LGSN: variants seen among roughly 807,000 people sequenced by gnomAD.
LGSN encodes the protein lengsin, lens protein with glutamine synthetase domain.
In LGSN, 21 loss-of-function variants were observed where a neutral mutation model predicts 19.5. The observed-to-expected ratio is 1.07, with a 90% CI of 0.76 to 1.55. The LOEUF (loss-of-function observed/expected upper bound fraction) is 1.55. LGSN is among the 40% of genes most tolerant of loss of function. The pLI, the probability that LGSN is intolerant of heterozygous loss-of-function variation, is 0.00. For synonymous variants in LGSN, 257 were observed against 215.6 expected (o/e 1.19, Z -1.68); for missense variants, 673 against 608.5 (o/e 1.11, Z -1.12).
chr6:63,495,464 T>TC, the LGSN span, among the ~76,000 whole-genome samples: 1 of 104,808 alleles, frequency 9.5e-6, no homozygotes, highest in Non-Finnish European at 1.8e-5. Flanking sequence ...TTCTTTTTTT[T>TC]TTTTTTTTTT....
At chr6:63,385,285 G>A in the LGSN span, among the ~76,000 whole-genome samples, 1 of 127,744 alleles carries the variant, frequency 7.8e-6, no homozygotes, top group Admixed American at 7.5e-5. Context: ...TCTGAGAACT[G>A]GTTTCCATGT....
chr6:63,506,326 G>T, the LGSN span, among the ~76,000 whole-genome samples: 2 of 151,602 alleles, frequency 1.3e-5, no homozygotes, highest in Non-Finnish European at 2.9e-5. Context: ...TGCAATGGTG[G>T]GATCTCGGAT....
the LGSN span, among the ~76,000 whole-genome samples, chr6:63,362,793 C>G: frequency 6.6e-6 from 1 of 152,230 alleles, no homozygotes; most frequent in African/African-American, 2.4e-5. Flanking sequence ...GAACAAAAGG[C>G]AGCAGAAAAT....
At chr6:63,327,389 T>A in the LGSN span, among the ~76,000 whole-genome samples, 1 of 152,172 alleles carries the variant, frequency 6.6e-6, no homozygotes, top group Non-Finnish European at 1.5e-5. Flanking sequence ...GTATAAGAAT[T>A]TGAAAGGTGT....
At chr6:63,334,806 C>G in the LGSN span, among the ~76,000 whole-genome samples, 1 of 152,008 alleles carries the variant, frequency 6.6e-6, no homozygotes, top group Admixed American at 6.6e-5. Flanking sequence ...AATAAATCTG[C>G]ATACTTAACG....
the LGSN span, among the ~76,000 whole-genome samples, chr6:63,498,930 C>T: frequency 6.6e-6 from 1 of 152,074 alleles, no homozygotes; most frequent in Non-Finnish European, 1.5e-5. Context: ...CCTGAGCTTA[C>T]ATGGAATTTA....
the LGSN span, among the ~76,000 whole-genome samples, chr6:63,334,852 C>T: frequency 6.6e-6 from 1 of 151,936 alleles, no homozygotes; most frequent in African/African-American, 2.4e-5. Context: ...CAAGAAAATA[C>T]ATTGGGCTGG....
the LGSN span, chr6:63,572,443 C>T: frequency 2.7e-6 from 1 of 375,838 alleles, no homozygotes; most frequent in Non-Finnish European, 4.7e-6. Flanking sequence ...TTGCACGTCG[C>T]GCCGGCTATA....
At chr6:63,535,830 T>C in the LGSN span, among the ~76,000 whole-genome samples, 3 of 152,298 alleles carry the variant, frequency 2.0e-5, no homozygotes, top group African/African-American at 7.2e-5. Flanking sequence ...AGTCCAGCAC[T>C]TTTTTATTTT....
At chr6:63,404,750 T>C in the LGSN span, among the ~76,000 whole-genome samples, 1 of 152,116 alleles carries the variant, frequency 6.6e-6, no homozygotes, top group African/African-American at 2.4e-5. Context: ...GGGGGAGACA[T>C]AAACATCCAG....
the LGSN span, among the ~76,000 whole-genome samples, chr6:63,515,457 C>T: frequency 6.6e-6 from 1 of 152,124 alleles, no homozygotes; most frequent in Non-Finnish European, 1.5e-5. Context: ...TCTCAAACTT[C>T]TGACCTCAGG....
intron 3 of LGSN, among the ~76,000 whole-genome samples, chr6:63,282,930 ATTAG>A (rs1767374685): frequency 1.3e-5 from 2 of 152,142 alleles, no homozygotes; most frequent in Non-Finnish European, 1.5e-5. Flanking sequence ...AATTCTGTAT[ATTAG>A]TTCTTTACAT....
At chr6:63,515,313 C>A in the LGSN span, among the ~76,000 whole-genome samples, 5 of 152,186 alleles carry the variant, frequency 3.3e-5, no homozygotes, top group Non-Finnish European at 7.3e-5. Context: ...CTCACTGCAA[C>A]CTCCGCCTCC....
rs1436711133 is a variant in LGSN, at chr6:63,278,991, C to A, written c.*1030G>T. 6.6e-6 allele frequency: 1 copy of A among 152,200 alleles called. No individual in the cohort carries two copies. Among genetic ancestry groups the A allele is most frequent in the Non-Finnish European group, 1.5e-5 (1 of 68,030 alleles). 9.4% of individuals were successfully genotyped at this position (152,200 alleles called of 1,614,324 possible). A position where few individuals can be genotyped will look rare whatever the true frequency, so the allele number is the denominator to read the frequency against. ...TTGCTAGTAAGTGGATTTTGGACTT[C>A]TTCCCAAAAGCAGCTAAACTTTTGT... On this transcript the variant is annotated 3_prime_UTR_variant, in exon 4 of 4. Coordinates refer to ENST00000370657, the MANE Select transcript of LGSN (RefSeq NM_016571.3).
chr6:63,470,175 CT>C, the LGSN span, among the ~76,000 whole-genome samples: 1 of 151,838 alleles, frequency 6.6e-6, no homozygotes. Flanking sequence ...CAGGCACGCA[CT>C]CAGACTTATG....
At chr6:63,387,448 A>C in the LGSN span, among the ~76,000 whole-genome samples, 5 of 152,328 alleles carry the variant, frequency 3.3e-5, 1 homozygote, top group Admixed American at 2.0e-4. Flanking sequence ...GATTATATAA[A>C]GTATATAGAA....
the LGSN span, among the ~76,000 whole-genome samples, chr6:63,476,441 T>C: frequency 5.3e-5 from 8 of 152,232 alleles, no homozygotes; most frequent in South Asian, 2.1e-4. Context: ...AAGAGCTCAA[T>C]TGAGCAATTC....
the LGSN span, among the ~76,000 whole-genome samples, chr6:63,459,499 C>T: frequency 3.9e-5 from 6 of 152,114 alleles, no homozygotes; most frequent in African/African-American, 1.4e-4. Context: ...AAGCAATCCT[C>T]CAACCTCCGC....
the LGSN span, among the ~76,000 whole-genome samples, chr6:63,552,898 A>G: frequency 6.6e-6 from 1 of 152,182 alleles, no homozygotes; most frequent in African/African-American, 2.4e-5. Context: ...TTTTGGTACC[A>G]GTACCGTGCT....
Sources: gnomAD v4.1 joint callset for allele counts (sites outside exome capture counted in the v4.1 genomes callset) on GRCh38, gnomAD v4.1.1 for gene constraint, MANE v1.5 for transcripts, NCBI Gene and HGNC (gene_info 2026-07-23, HGNC 2026-07-21) for gene names.